The following TPR variants were observed in gnomAD, a reference collection of about 807,000 sequenced individuals.
The protein encoded by TPR is nucleoprotein TPR.
Under a neutral mutation model 316.1 loss-of-function variants are expected in TPR, and 51 were observed. That is an observed-to-expected ratio of 0.16 (90% CI 0.13 to 0.20). The LOEUF is 0.20. TPR is among the 10% of genes least tolerant of loss of function. The pLI is 1.00. For synonymous variants in TPR, 981 were observed against 914.7 expected, an observed-to-expected ratio of 1.07 and a Z score of -1.31; for missense variants, 2,272 against 2,754.8, an observed-to-expected ratio of 0.82 and a Z score of 3.92.
At chr1:186,344,260 C>T (rs1658608980) in intron 25 of TPR, 115 bp downstream of exon 25, 4 of 1,380,234 alleles carry the variant, frequency 2.9e-6, no homozygotes, top group East Asian at 2.4e-5. Context: ...AATATCACGC[C>T]ATTGCACTCC....
intron 20 of TPR, among the ~76,000 whole-genome samples, chr1:186,350,963 A>T (rs1413155195): frequency 6.6e-6 from 1 of 152,234 alleles, no homozygotes; most frequent in Non-Finnish European, 1.5e-5. Context: ...ATTGCAATGG[A>T]CACTGGCACT....
At position 186,318,833 on chromosome 1, in the gene TPR, A is replaced by C; in HGVS notation, c.6569-5T>G. 1 of 1,612,848 alleles carries C rather than the reference A, an allele frequency of 6.2e-7. No homozygotes were observed. The highest frequency in any genetic ancestry group is 8.5e-7 in the Non-Finnish European group (1 of 1,179,536). On this transcript the variant is annotated splice_polypyrimidine_tract_variant and splice_region_variant and intron_variant, in intron 46 of 50. Coordinates refer to ENST00000367478, the MANE Select transcript of TPR (RefSeq NM_003292.3). ...GTGTTTCATACATTCCTAAACCTAA[A>C]GACAATTCTGAATATTAATGAATGA...
chr1:186,332,340 G>C lies in TPR; in HGVS notation c.5459C>G (p.Ser1820Trp). 6.2e-7 allele frequency: 1 copy of C among 1,611,160 alleles called. No individual in the cohort carries two copies. The highest frequency in any genetic ancestry group is 2.2e-5 in the East Asian group (1 of 44,820). Residue 1820 changes from serine to tryptophan, a missense_variant, in exon 38 of 51, where the codon TCG (serine) becomes TGG (tryptophan). Transcript: ENST00000367478. ...TGGCAAAGAAGAACTGGGGGTAGCCGAAACTTTGAAATTATATAAATCTTG... is the reference window on the plus strand; with the variant it reads ...TGGCAAAGAAGAACTGGGGGTAGCCCAAACTTTGAAATTATATAAATCTTG... Reference protein sequence around the residue: ...STSTAVFGTVSATPSSSLPKR... With the variant: ...STSTAVFGTVWATPSSSLPKR...
At chr1:186,356,183 T>C in intron 15 of TPR, 103 bp downstream of exon 15, 1 of 1,046,550 alleles carries the variant, frequency 9.6e-7, no homozygotes, top group Non-Finnish European at 1.3e-6. Flanking sequence ...GGTAGTCAAA[T>C]TTGAAGCTAC....
chr1:186,332,300 T>C lies in TPR; in HGVS notation c.5499A>G (p.Glu1833=), dbSNP rs1658189322. ...CTTCTATGGTGCTATCCTCTTCCTC[T>C]TCACGTGTACGCTTTGGCAAAGAAG... is the stretch of plus-strand genomic sequence containing the variant. ...PSSSLPKRTR[E]EEEDSTIEAS... is the part of the protein sequence containing the mutation. Residue 1833 remains glutamate (E), a synonymous_variant, in exon 38 of 51, where the codon GAA becomes GAG. Transcript: ENST00000367478. 3 of 1,612,866 alleles carry C rather than the reference T, an allele frequency of 1.9e-6. No individual in the cohort carries two copies. The highest frequency in any genetic ancestry group is 2.5e-6 in the Non-Finnish European group (3 of 1,179,354).
chr1:186,374,220 T>A (rs559562583), intron 1 of TPR, among the ~76,000 whole-genome samples: 2 of 152,306 alleles, frequency 1.3e-5, no homozygotes, highest in South Asian at 4.1e-4. Flanking sequence ...ATTCTTCATA[T>A]TTTTTTCAAG....
intron 23 of TPR, 57 bp downstream of exon 23, chr1:186,346,078 G>A (rs2101969648): frequency 6.6e-7 from 1 of 1,517,094 alleles, no homozygotes; most frequent in South Asian, 1.3e-5. Context: ...TGACTTAGTT[G>A]AAAGAATTCA....
At position 186,346,171 on chromosome 1, in the gene TPR, A is replaced by G. The variant is rs1658672110; in HGVS notation, c.3060T>C (p.Asp1020=). Residue 1020 remains aspartate, a synonymous_variant, in exon 23 of 51, where the codon GAT becomes GAC. Transcript: ENST00000367478. The stretch of plus-strand genomic sequence containing the variant: ...TGCTCTCTATGGCTCTTCTTTTATC[A>G]TCCTGAAGTTCTTGTTTTTCCTTCT... ...EVEKEKQELQ[D]DKRRAIESME... 6.2e-7 allele frequency: 1 copy of G among 1,612,990 alleles called. No individual in the cohort carries two copies. The highest frequency in any genetic ancestry group is 8.5e-7 in the Non-Finnish European group (1 of 1,179,590).
intron 13 of TPR, 146 bp from the exon 14 acceptor site, chr1:186,357,769 G>A (rs16825243): frequency 0.16 from 107,839 of 660,360 alleles, 9,838 homozygotes; most frequent in African/African-American, 0.28. Context: ...AAGCATCCTT[G>A]GATATTAAAA....
chr1:186,349,062 T>G (rs939729236), intron 21 of TPR, among the ~76,000 whole-genome samples: 2 of 152,204 alleles, frequency 1.3e-5, no homozygotes, highest in Non-Finnish European at 2.9e-5. Context: ...GAAACTATCA[T>G]GAGTTGAAAA....
At chr1:186,334,656 T>C (rs1658284277) in intron 35 of TPR, 123 bp from the exon 36 acceptor site, 3 of 1,041,296 alleles carry the variant, frequency 2.9e-6, no homozygotes, top group Non-Finnish European at 4.1e-6. Context: ...TTATTAAAGC[T>C]GTTTTGAATT....
intron 42 of TPR, among the ~76,000 whole-genome samples, chr1:186,325,145 T>C (rs1657882427): frequency 6.6e-6 from 1 of 152,156 alleles, no homozygotes; most frequent in South Asian, 2.1e-4. Flanking sequence ...TCTAAACAGC[T>C]AAGGTTTTAC....
At chr1:186,347,488 A>T (rs1286373787) in intron 21 of TPR, 30 bp from the exon 22 acceptor site, 2 of 1,605,838 alleles carry the variant, frequency 1.2e-6, no homozygotes, top group Non-Finnish European at 1.7e-6. Flanking sequence ...TGTTAAAATT[A>T]ACATTTTCAA....
chr1:186,312,343 C>A lies in TPR; in HGVS notation c.*1628G>T, dbSNP rs1377650897. On this transcript the variant is annotated 3_prime_UTR_variant, in exon 51 of 51. Transcript: ENST00000367478. ...ACACACACCATCAGAATTCAATATT[C>A]ACCTGCCAGACTGGCTTATCAAGAC... The A allele has an allele frequency of 6.2e-7, 1 of 1,608,822 alleles. No individual in the cohort carries two copies. Among genetic ancestry groups the A allele is most frequent in the South Asian group, 1.1e-5 (1 of 89,724 alleles).
chr1:186,350,268 T>C lies in TPR; in HGVS notation c.2731A>G (p.Met911Val), dbSNP rs759882391. 9.9e-6 allele frequency: 16 copies of C among 1,613,292 alleles called. No homozygotes were observed. The Admixed American group carries it at 2.3e-4, about 24-fold the overall frequency. The change falls in exon 21 of 51, where the codon ATG (methionine) becomes GTG (valine). Residue 911 changes from methionine to valine, a missense_variant. Physicochemically the swap from Met to Val is conservative, Grantham distance 21. Coordinates refer to ENST00000367478, the MANE Select transcript of TPR (RefSeq NM_003292.3). ...GACTGAGAAGCAACTTGGACTTCCA[T>C]ATTACTGAGGTGCTGTTTCAATGTG... ...IATLKQHLSN[M>V]EVQVASQSSQ...
intron 10 of TPR, 63 bp from the exon 11 acceptor site, chr1:186,360,427 T>A: frequency 1.3e-6 from 2 of 1,549,696 alleles, no homozygotes; most frequent in Non-Finnish European, 1.8e-6. Flanking sequence ...CCATTAATAA[T>A]TTTTCAAGGT....
intron 42 of TPR, 138 bp from the exon 43 acceptor site, chr1:186,324,008 T>C (rs1657844633): frequency 4.7e-6 from 4 of 848,916 alleles, no homozygotes; most frequent in Non-Finnish European, 6.9e-6. Context: ...TGAGGTGTGA[T>C]GGAAGCAAAT....
At chr1:186,344,287 C>CGA (rs1658610088) in intron 25 of TPR, 88 bp downstream of exon 25, 1 of 1,483,150 alleles carries the variant, frequency 6.7e-7, no homozygotes. Flanking sequence ...GGTGACAGAG[C>CGA]GAGGCTCCAT....
At chr1:186,345,754 C>G in intron 23 of TPR, 58 bp from the exon 24 acceptor site, 1 of 1,253,270 alleles carries the variant, frequency 8.0e-7, no homozygotes, top group East Asian at 2.3e-5. Flanking sequence ...TTGGAAAATA[C>G]TGTATTGTAG....
Sources: allele counts gnomAD v4.1 joint callset (sites outside exome capture counted in the v4.1 genomes callset), GRCh38; gene constraint gnomAD v4.1.1; transcripts MANE v1.5; gene names NCBI Gene and HGNC (gene_info 2026-07-23, HGNC 2026-07-21).